Variants in MYLK observed in about 807,000 individuals in gnomAD.
MYLK encodes the protein myosin light chain kinase, smooth muscle.
In MYLK, 106 loss-of-function variants were observed where a neutral mutation model predicts 203.4. The ratio of observed to expected loss-of-function variants is 0.52; its 90% confidence interval spans 0.45 to 0.61. The LOEUF is 0.61. MYLK is among the 20% of genes least tolerant of loss of function. The pLI is 0.00. For synonymous variants in MYLK, 867 were observed against 959.5 expected (o/e 0.90, Z 1.78); for missense variants, 2,072 against 2,442.3 (o/e 0.85, Z 3.20).
chr3:123,706,884 A>G (rs1313874098), intron 16 of MYLK, among the ~76,000 whole-genome samples: 1 of 152,176 alleles, frequency 6.6e-6, no homozygotes, highest in African/African-American at 2.4e-5. Flanking sequence ...GGGGAAAGGT[A>G]GCCTCCCTGT....
intron 18 of MYLK, among the ~76,000 whole-genome samples, chr3:123,694,267 C>G (rs1032764452): frequency 6.6e-6 from 1 of 152,196 alleles, no homozygotes; most frequent in Non-Finnish European, 1.5e-5. Flanking sequence ...TATACAGACC[C>G]CAAACCTCGG....
Position 123,647,216 on chromosome 3 carries a change from C to T in MYLK, c.4619+8G>A, listed in dbSNP as rs2059052149. ...TGGTGCCCACGCTGCTGGCAGTGGG[C>T]CACTCACATCTCCAGGACCATGACG... is the stretch of plus-strand genomic sequence containing the variant. On this transcript the variant is annotated splice_region_variant and intron_variant, in intron 27 of 33. Coordinates refer to ENST00000360304, the MANE Select transcript of MYLK (RefSeq NM_053025.4). 6.2e-7 allele frequency: 1 copy of T among 1,613,726 alleles called. No homozygotes were observed. The highest frequency in any genetic ancestry group is 8.5e-7 in the Non-Finnish European group (1 of 1,179,890).
chr3:123,649,529 G>C (rs1330721882), intron 24 of MYLK, among the ~76,000 whole-genome samples: 1 of 152,184 alleles, frequency 6.6e-6, no homozygotes, highest in Non-Finnish European at 1.5e-5. Context: ...ACACACAACT[G>C]TGACAGTCTC....
In MYLK at chr3:123,734,233, GTGAGGGT is replaced by G; in HGVS notation, c.774-18_774-12del. 1 of 1,263,640 alleles carries G rather than the reference GTGAGGGT, an allele frequency of 7.9e-7. No individual in the cohort carries two copies. The highest frequency in any genetic ancestry group is 2.8e-5 in the East Asian group (1 of 35,408). 78.3% of individuals were successfully genotyped at this position (1,263,640 alleles called of 1,614,324 possible). ...TCTCTCACAAATGACCTGTGTGGTG[GTGAGGGT>G]GGGGGTAGGGTGGGTGAGGAGAGGG... On this transcript the variant is annotated splice_polypyrimidine_tract_variant and intron_variant, in intron 9 of 33. Transcript: ENST00000360304.
At position 123,708,014 on chromosome 3, in the gene MYLK, G is replaced by A. The variant is rs780706537; in HGVS notation, c.2141-11C>T. The A allele has an allele frequency of 5.6e-6, 9 of 1,613,750 alleles. No individual in the cohort carries two copies. Among genetic ancestry groups the A allele is most frequent in the Non-Finnish European group, 6.8e-6 (8 of 1,179,934 alleles). On this transcript the variant is annotated splice_polypyrimidine_tract_variant and intron_variant, in intron 15 of 33. Transcript: ENST00000360304. ...TGCCATCGTGAGGCTCTGGAAATTG[G>A]CAAAGGGCAGAGCTAAACAGGGATG...
chr3:123,701,418 C>T lies in MYLK; in HGVS notation c.2462+20G>A, dbSNP rs565230903. 328 of 1,613,598 alleles carry T rather than the reference C, an allele frequency of 2.0e-4. 2 individuals are homozygous for T. In the South Asian group the frequency reaches 3.4e-3, roughly 17 times the overall value. On this transcript the variant is annotated intron_variant, in intron 17 of 33. Coordinates refer to ENST00000360304, the MANE Select transcript of MYLK (RefSeq NM_053025.4). ...GGGATGGGGGCATGGCCTGGAGGGG[C>T]AGCTCCTGGGGGCACTCACCGTGGA...
chr3:123,821,177 AACAAAAC>A (rs2065924989), intron 3 of MYLK, among the ~76,000 whole-genome samples: 1 of 152,266 alleles, frequency 6.6e-6, no homozygotes, highest in African/African-American at 2.4e-5. Flanking sequence ...TTAAAAAGCC[AACAAAAC>A]TCTTGAACTA....
Position 123,778,470 on chromosome 3 carries a change from G to T in MYLK, c.165+15207C>A, listed in dbSNP as rs1020331999. 2.0e-5 allele frequency among the ~76,000 whole-genome samples: 3 copies of T among 146,720 alleles called. No homozygotes were observed. In the Admixed American group the frequency reaches 2.1e-4, roughly 10 times the overall value. ...GGAGCTTGCAGTGAGCCAAGATTGC[G>T]CCACTGTACCCCAGCCTGGGCAACA... On this transcript the variant is annotated intron_variant, in intron 4 of 33. Transcript: ENST00000360304.
chr3:123,798,560 T>C (rs1350682877), intron 3 of MYLK, among the ~76,000 whole-genome samples: 1 of 152,158 alleles, frequency 6.6e-6, no homozygotes, highest in Non-Finnish European at 1.5e-5. Flanking sequence ...GGAAATCTCC[T>C]GAAGGCCCCA....
chr3:123,819,428 T>A (rs900438972), intron 3 of MYLK, among the ~76,000 whole-genome samples: 1 of 152,196 alleles, frequency 6.6e-6, no homozygotes, highest in African/African-American at 2.4e-5. Context: ...ATGATGATGT[T>A]CTGATTACTG....
At position 123,841,731 on chromosome 3, in the gene MYLK, C is replaced by A. The variant is rs73857532; in HGVS notation, c.-126-10061G>T. ...CACCCACTCCCTCTTTAACCCCCTA[C>A]AATCAATCCAGTTCTTTTATACACC... On this transcript the variant is annotated intron_variant, in intron 2 of 33. Coordinates refer to ENST00000360304, the MANE Select transcript of MYLK (RefSeq NM_053025.4). Among the ~76,000 whole-genome samples, 1,322 of 152,232 alleles carry A rather than the reference C, an allele frequency of 8.7e-3. 11 individuals carry two copies. The highest frequency in any genetic ancestry group is 0.028 in the African/African-American group (1,181 of 41,544).
rs747368032 is a variant in MYLK at position 123,640,415 on chromosome 3, G to A, written c.4709C>T (p.Ser1570Leu). ...RECIKYMRQI[S>L]EGVEYIHKQG... ...CTTGTGGATGTACTCCACTCCCTCC[G>A]AGATCTGCCGCATGTACTTGATGCA... Residue 1570 changes from serine to leucine, a missense_variant, in exon 28 of 34, where the codon TCG becomes TTG. Coordinates refer to ENST00000360304, the MANE Select transcript of MYLK (RefSeq NM_053025.4). This position sits in a 1 kb window ranked among gnomAD's most constrained non-coding sequence, Gnocchi z 4.3. The A allele has an allele frequency of 2.0e-5, 33 of 1,613,866 alleles. No individual in the cohort carries two copies. Among genetic ancestry groups the A allele is most frequent in the African/African-American group, 4.0e-5 (3 of 74,840 alleles).
At position 123,731,444 on chromosome 3, in the gene MYLK, C is replaced by T. The variant is rs1232803808; in HGVS notation, c.1516+1452G>A. Among the ~76,000 whole-genome samples the T allele has an allele frequency of 2.0e-5, 3 of 152,168 alleles. No homozygotes were observed. The East Asian group carries it at 5.8e-4, about 29-fold the overall frequency. On this transcript the variant is annotated intron_variant, in intron 11 of 33. Coordinates refer to ENST00000360304, the MANE Select transcript of MYLK (RefSeq NM_053025.4). ...ATCTTTTCTTCCATTTACACATGAGCCTGTACTTTGCTCCTCTCCCTTCCT... is the reference window on the plus strand; with the variant it reads ...ATCTTTTCTTCCATTTACACATGAGTCTGTACTTTGCTCCTCTCCCTTCCT...
chr3:123,806,669 A>C (rs1175208976), intron 3 of MYLK, among the ~76,000 whole-genome samples: 1 of 151,934 alleles, frequency 6.6e-6, no homozygotes, highest in Non-Finnish European at 1.5e-5. Flanking sequence ...TTATTTATTT[A>C]TTTATTTTTT....
intron 2 of MYLK, among the ~76,000 whole-genome samples, chr3:123,850,518 G>C (rs2030650862): frequency 6.6e-6 from 1 of 152,092 alleles, no homozygotes; most frequent in Admixed American, 6.5e-5. Flanking sequence ...TTTTTCATTT[G>C]TCTTTTGGCT....
chr3:123,641,883 C>CT (rs1221267084), intron 27 of MYLK, among the ~76,000 whole-genome samples: 9 of 148,786 alleles, frequency 6.0e-5, no homozygotes, highest in Admixed American at 5.5e-4. Flanking sequence ...GAGACAGGGT[C>CT]TTGCTCTGTC....
At chr3:123,829,271 A>G (rs760163570) in intron 3 of MYLK, among the ~76,000 whole-genome samples, 1 of 152,232 alleles carries the variant, frequency 6.6e-6, no homozygotes, top group Non-Finnish European at 1.5e-5. Flanking sequence ...ATAAAAAAGA[A>G]TGAATCCTGC....
In MYLK at chr3:123,815,836, G is replaced by A. The variant is rs1425370751; in HGVS notation, c.-4+15712C>T. On this transcript the variant is annotated intron_variant, in intron 3 of 33. Coordinates refer to ENST00000360304, the MANE Select transcript of MYLK (RefSeq NM_053025.4). ...TGTTCTTTCATTTATTTGTAAAAAT[G>A]TAAATGGCTTTGTTTAATTAGAAGT... Among the ~76,000 whole-genome samples the A allele has an allele frequency of 4.6e-5, 7 of 152,334 alleles. No homozygotes were observed. In the East Asian group the frequency reaches 7.7e-4, roughly 17 times the overall value.
chr3:123,670,978 G>A (rs549716692), intron 20 of MYLK, among the ~76,000 whole-genome samples: 27 of 152,356 alleles, frequency 1.8e-4, no homozygotes, highest in African/African-American at 6.3e-4. Flanking sequence ...TGGGCTAGAG[G>A]TCCCTGATAG....
Sources: allele counts gnomAD v4.1 joint callset (sites outside exome capture counted in the v4.1 genomes callset), GRCh38; gene constraint gnomAD v4.1.1; non-coding constraint Gnocchi (gnomAD v3.1); transcripts MANE v1.5; gene names NCBI Gene and HGNC (gene_info 2026-07-23, HGNC 2026-07-21).